The following GRIA3 variants were observed in gnomAD, a reference collection of about 807,000 sequenced individuals.
GRIA3 encodes the protein glutamate ionotropic receptor AMPA type subunit 3.
GRIA3 carries 3 observed loss-of-function variants against 63.0 expected under a neutral mutation model. The ratio of observed to expected loss-of-function variants is 0.05; its 90% confidence interval spans 0.02 to 0.12. The LOEUF (loss-of-function observed/expected upper bound fraction) is 0.12, where lower values mean the gene tolerates loss of function less well. Among genes scored for constraint, GRIA3 ranks in the 10% least tolerant of loss-of-function variants. The pLI is 1.00. For missense variants in GRIA3, 347 were observed against 700.9 expected, an observed-to-expected ratio of 0.50 and a Z score of 5.70; for synonymous variants, 274 against 257.9, an observed-to-expected ratio of 1.06 and a Z score of -0.60.
At chrX:123,199,983 A>G (rs1927683249) in intron 2 of GRIA3, among the ~76,000 whole-genome samples, 1 of 111,967 alleles carries the variant, frequency 8.9e-6, no homozygotes, top group South Asian at 3.8e-4. Flanking sequence ...GATTTGCCAA[A>G]GGTGATGCAG....
At chrX:123,271,917 G>A (rs1447813468) in intron 3 of GRIA3, among the ~76,000 whole-genome samples, 3 of 111,761 alleles carry the variant, frequency 2.7e-5, no homozygotes, top group Non-Finnish European at 5.6e-5. Flanking sequence ...AGCAAAGAAA[G>A]GATGTTACTT....
At chrX:123,396,218 A>AATAATAATAATG (rs1341070974) in intron 6 of GRIA3, among the ~76,000 whole-genome samples, 1 of 103,740 alleles carries the variant, frequency 9.6e-6, no homozygotes, top group African/African-American at 3.5e-5. Flanking sequence ...TAATAATAAT[A>AATAATAATAATG]ATAATAATAA....
intron 3 of GRIA3, among the ~76,000 whole-genome samples, chrX:123,280,420 A>T (rs1414178909): frequency 8.9e-6 from 1 of 112,298 alleles, no homozygotes; most frequent in Non-Finnish European, 1.9e-5. Context: ...CAAATTAAAT[A>T]CACTCTTTTT....
intron 3 of GRIA3, among the ~76,000 whole-genome samples, chrX:123,285,163 C>G (rs1202486226): frequency 9.0e-6 from 1 of 110,945 alleles, no homozygotes; most frequent in Non-Finnish European, 1.9e-5. Context: ...GCTTCATAAG[C>G]AAAGAAGAAA....
chrX:123,419,732 T>C (rs1409952438), intron 11 of GRIA3, among the ~76,000 whole-genome samples: 1 of 111,422 alleles, frequency 9.0e-6, no homozygotes, highest in Non-Finnish European at 1.9e-5. Context: ...TTTATCTTGA[T>C]TAATGAGATT....
At chrX:123,370,261 T>C (rs2045238901) in intron 5 of GRIA3, among the ~76,000 whole-genome samples, 1 of 93,189 alleles carries the variant, frequency 1.1e-5, no homozygotes, top group Admixed American at 1.2e-4. Flanking sequence ...TACTTTTCCT[T>C]CTCCCTCTTA....
chrX:123,294,333 G>C (rs376660464), intron 3 of GRIA3, among the ~76,000 whole-genome samples: 18 of 111,191 alleles, frequency 1.6e-4, no homozygotes, highest in African/African-American at 5.9e-4. Flanking sequence ...ACACAAATAG[G>C]CAGATAAAGG....
At chrX:123,325,594 C>G (rs2044897334) in intron 3 of GRIA3, among the ~76,000 whole-genome samples, 1 of 111,503 alleles carries the variant, frequency 9.0e-6, no homozygotes, top group African/African-American at 3.3e-5. Context: ...TAAGGAGAAG[C>G]CATATTATAA....
intron 10 of GRIA3, among the ~76,000 whole-genome samples, chrX:123,408,235 G>T (rs1461186053): frequency 9.0e-6 from 1 of 111,583 alleles, no homozygotes; most frequent in Non-Finnish European, 1.9e-5. Context: ...TAAAGTGCCG[G>T]GATTACAGGT....
chrX:123,289,185 T>A (rs914896801), intron 3 of GRIA3, among the ~76,000 whole-genome samples: 1 of 110,524 alleles, frequency 9.0e-6, no homozygotes, highest in Non-Finnish European at 1.9e-5. Flanking sequence ...AACCAAACAC[T>A]GCATTTTCTC....
At chrX:123,275,953 T>C (rs1376054808) in intron 3 of GRIA3, among the ~76,000 whole-genome samples, 1 of 112,432 alleles carries the variant, frequency 8.9e-6, no homozygotes, top group Non-Finnish European at 1.9e-5. Flanking sequence ...TATATTTATA[T>C]CTGCATACAT....
chrX:123,349,726 C>A (rs1007759793), intron 4 of GRIA3, among the ~76,000 whole-genome samples: 1 of 112,468 alleles, frequency 8.9e-6, no homozygotes, highest in African/African-American at 3.2e-5. Context: ...AGTCAGATGA[C>A]TGCAATATGA....
intron 7 of GRIA3, among the ~76,000 whole-genome samples, chrX:123,401,081 C>A (rs1240859176): frequency 2.7e-5 from 3 of 111,807 alleles, no homozygotes; most frequent in Non-Finnish European, 5.7e-5. Context: ...AATGTTATGT[C>A]TAAGTCTTGC....
At chrX:123,227,754 T>C (rs2044255305) in intron 2 of GRIA3, among the ~76,000 whole-genome samples, 1 of 112,499 alleles carries the variant, frequency 8.9e-6, no homozygotes, top group Non-Finnish European at 1.9e-5. Context: ...TCTTTTCTAC[T>C]ATTCTCTTGT....
At chrX:123,439,800 T>A (rs1184570931) in intron 12 of GRIA3, among the ~76,000 whole-genome samples, 4 of 111,139 alleles carry the variant, frequency 3.6e-5, no homozygotes, top group South Asian at 3.8e-4. Context: ...GTTCTTTTTT[T>A]TTTATTTATT....
intron 4 of GRIA3, among the ~76,000 whole-genome samples, chrX:123,326,550 C>T (rs1019029242): frequency 3.6e-5 from 4 of 111,662 alleles, no homozygotes; most frequent in Admixed American, 1.9e-4. Flanking sequence ...TTTCCCATAC[C>T]TTCTTCCCAA....
At chrX:123,382,004 ATTGG>A (rs2045327546) in intron 5 of GRIA3, among the ~76,000 whole-genome samples, 1 of 112,074 alleles carries the variant, frequency 8.9e-6, no homozygotes, top group South Asian at 3.7e-4. Context: ...CTTGAGGACT[ATTGG>A]TTGCTCTATC....
At chrX:123,389,712 G>A (rs1028888802) in intron 5 of GRIA3, among the ~76,000 whole-genome samples, 2 of 76,348 alleles carry the variant, frequency 2.6e-5, no homozygotes, top group African/African-American at 4.4e-5. Context: ...TGTTGTTGTT[G>A]TTGTTGTTTT....
chrX:123,324,895 C>G (rs764716567), intron 3 of GRIA3, among the ~76,000 whole-genome samples: 1 of 111,933 alleles, frequency 8.9e-6, no homozygotes, highest in Non-Finnish European at 1.9e-5. Context: ...CGAAACAGCA[C>G]AGAACCTGGA....
Sources: allele counts gnomAD v4.1 joint callset (sites outside exome capture counted in the v4.1 genomes callset), GRCh38; gene constraint gnomAD v4.1.1; transcripts MANE v1.5; gene names NCBI Gene and HGNC (gene_info 2026-07-23, HGNC 2026-07-21).